The following TBC1D5 variants were observed in gnomAD, a reference collection of about 807,000 sequenced individuals.
TBC1D5 encodes TBC1 domain family, member 5.
Under a neutral mutation model 100.3 loss-of-function variants are expected in TBC1D5, and 75 were observed. The observed-to-expected ratio is 0.75, with a 90% CI of 0.62 to 0.91. The LOEUF is 0.91. Among genes scored for constraint, TBC1D5 ranks in the 40% least tolerant of loss-of-function variants. The probability of loss-of-function intolerance (pLI) is 0.00; values close to 1 mark genes in which losing one functional copy is unlikely to be tolerated. For synonymous variants in TBC1D5, 323 were observed against 325.6 expected, an observed-to-expected ratio of 0.99 and a Z score of 0.09; for missense variants, 910 against 942.4, an observed-to-expected ratio of 0.97 and a Z score of 0.45.
chr3:17,299,281 C>A (rs995298313), intron 14 of TBC1D5, among the ~76,000 whole-genome samples: 2 of 152,130 alleles, frequency 1.3e-5, no homozygotes, highest in African/African-American at 4.8e-5. Context: ...GGGGTGGCTA[C>A]AGATTTCATC....
chr3:17,581,624 G>A (rs1327921258), intron 2 of TBC1D5, among the ~76,000 whole-genome samples: 1 of 152,068 alleles, frequency 6.6e-6, no homozygotes, highest in East Asian at 1.9e-4. Flanking sequence ...CAATCCATTA[G>A]CAAATACTGT....
chr3:17,690,952 AG>A (rs1270661131), intron 1 of TBC1D5, among the ~76,000 whole-genome samples: 7 of 152,182 alleles, frequency 4.6e-5, no homozygotes, highest in Non-Finnish European at 1.0e-4. Flanking sequence ...TTTAAAACAG[AG>A]GAAAAAAAAT....
At position 17,672,270 on chromosome 3, in the gene TBC1D5, C is replaced by G. The variant is rs542420589; in HGVS notation, c.-100-48357G>C. The stretch of plus-strand genomic sequence containing the variant: ...ATAAATTTGAACCTAAAGAATGCAA[C>G]TTACATTATACAATTTTTTAAAATG... On this transcript the variant is annotated intron_variant, in intron 1 of 21. Coordinates refer to ENST00000253692, the Ensembl canonical transcript of TBC1D5. Among the ~76,000 whole-genome samples, 193 of 152,218 alleles carry G rather than the reference C, an allele frequency of 1.3e-3. 2 individuals carry two copies. Among genetic ancestry groups the G allele is most frequent in the Non-Finnish European group, 1.3e-4 (9 of 68,010 alleles).
intron 3 of TBC1D5, among the ~76,000 whole-genome samples, chr3:17,498,740 A>G (rs1313774307): frequency 1.3e-5 from 2 of 152,298 alleles, no homozygotes; most frequent in Admixed American, 6.5e-5. Context: ...TAAACCTCCT[A>G]AAGACAAACA....
rs142981022 is a variant in TBC1D5, at chr3:17,190,375, G to A, written c.1753-5167C>T. Among the ~76,000 whole-genome samples the A allele has an allele frequency of 1.5e-4, 23 of 152,322 alleles. No homozygotes were observed. In the East Asian group the frequency reaches 4.2e-3, roughly 28 times the overall value. On this transcript the variant is annotated intron_variant, in intron 18 of 21. Coordinates refer to ENST00000253692, the Ensembl canonical transcript of TBC1D5. ...TGATTTCAATTTGTGTATGTGGAAA[G>A]GAAAGGAGGTTTTCTAGTGTTTTTG...
At chr3:17,596,452 G>T (rs1290310723) in intron 2 of TBC1D5, among the ~76,000 whole-genome samples, 1 of 150,964 alleles carries the variant, frequency 6.6e-6, no homozygotes, top group African/African-American at 2.4e-5. Flanking sequence ...CCAAGTAGCT[G>T]GGATTACAGA....
In TBC1D5 at chr3:17,705,971, C is replaced by A; in HGVS notation, c.-101+33372G>T. 10 of 1,419,436 alleles carry A rather than the reference C, an allele frequency of 7.0e-6. No homozygotes were observed. The South Asian group carries it at 1.4e-4, about 20-fold the overall frequency. 87.9% of individuals were successfully genotyped at this position (1,419,436 alleles called of 1,614,324 possible). On this transcript the variant is annotated intron_variant, in intron 1 of 21. Coordinates refer to ENST00000253692, the Ensembl canonical transcript of TBC1D5. ...CTGCCTCCCGGGCGGCGCTCCTCAG[C>A]ATTTCTTTACTCTTTTTTTTTTTTG...
chr3:17,387,265 G>C lies in TBC1D5; in HGVS notation c.510-3250C>G, dbSNP rs1575638639. ...ATCCAGTCCAACTCAGAGATTAACA[G>C]GCAAGTAAACAGAAGCACAGAGAAA... On this transcript the variant is annotated intron_variant, in intron 8 of 21. Coordinates refer to ENST00000253692, the Ensembl canonical transcript of TBC1D5. Among the ~76,000 whole-genome samples, 5 of 152,226 alleles carry C rather than the reference G, an allele frequency of 3.3e-5. No individual in the cohort carries two copies. The East Asian group carries it at 9.7e-4, about 30-fold the overall frequency.
At chr3:17,339,339 G>A (rs184630331) in intron 13 of TBC1D5, among the ~76,000 whole-genome samples, 3 of 152,270 alleles carry the variant, frequency 2.0e-5, no homozygotes, top group East Asian at 1.9e-4. Flanking sequence ...TTGAAGTTCC[G>A]CTCACCTTGC....
chr3:17,696,129 T>A (rs1354744064), intron 1 of TBC1D5, among the ~76,000 whole-genome samples: 4 of 151,980 alleles, frequency 2.6e-5, no homozygotes, highest in Admixed American at 2.0e-4. Context: ...TAGCTCTAAA[T>A]GCCCACAGAA....
chr3:17,615,650 C>T (rs532964207), intron 2 of TBC1D5, among the ~76,000 whole-genome samples: 1 of 152,266 alleles, frequency 6.6e-6, no homozygotes, highest in African/African-American at 2.4e-5. Context: ...TCCATTTCTT[C>T]TAGATTTTCT....
At chr3:17,186,583 G>A (rs2069099125) in intron 18 of TBC1D5, among the ~76,000 whole-genome samples, 1 of 151,438 alleles carries the variant, frequency 6.6e-6, no homozygotes, top group African/African-American at 2.4e-5. Flanking sequence ...GGTGGTGAGT[G>A]CCTGTAATCC....
chr3:17,308,185 G>C (rs748266635), intron 13 of TBC1D5, 51 bp from the exon 14 acceptor site: 19 of 1,490,556 alleles, frequency 1.3e-5, no homozygotes, highest in Admixed American at 2.7e-5. Flanking sequence ...TGAGAATAAA[G>C]AGTGATCATT....
At chr3:17,574,988 C>G (rs1161995324) in intron 2 of TBC1D5, among the ~76,000 whole-genome samples, 2 of 151,910 alleles carry the variant, frequency 1.3e-5, no homozygotes, top group Non-Finnish European at 2.9e-5. Flanking sequence ...CACAAAACAC[C>G]CTAGGTTGTT....
chr3:17,541,108 T>C (rs1304763720), intron 2 of TBC1D5, among the ~76,000 whole-genome samples: 4 of 151,748 alleles, frequency 2.6e-5, no homozygotes, highest in Admixed American at 6.6e-5. Context: ...TCAAGCTTTG[T>C]TCTTCTGTTT....
At chr3:17,227,712 G>T (rs891283289) in intron 17 of TBC1D5, among the ~76,000 whole-genome samples, 8 of 152,020 alleles carry the variant, frequency 5.3e-5, no homozygotes, top group Non-Finnish European at 8.8e-5. Flanking sequence ...TGGAGGGTGG[G>T]AGGAGGGAGA....
intron 13 of TBC1D5, among the ~76,000 whole-genome samples, chr3:17,314,695 A>G (rs2084454891): frequency 6.6e-6 from 1 of 152,216 alleles, no homozygotes; most frequent in African/African-American, 2.4e-5. Flanking sequence ...ATCTGCATGT[A>G]CAAGTTTGAG....
At chr3:17,338,455 G>C (rs2088295471) in intron 13 of TBC1D5, 1 of 152,164 alleles carries the variant, frequency 6.6e-6, no homozygotes, top group African/African-American at 2.4e-5. Flanking sequence ...GTACCTCCAA[G>C]GTGCTGGCTA....
chr3:17,162,818 C>A (rs185908877), intron 21 of TBC1D5, among the ~76,000 whole-genome samples: 29 of 152,302 alleles, frequency 1.9e-4, no homozygotes, highest in African/African-American at 6.5e-4. Flanking sequence ...GCATTGAAAG[C>A]TGCTGGGGAA....
Sources: allele counts gnomAD v4.1 joint callset (sites outside exome capture counted in the v4.1 genomes callset), GRCh38; gene constraint gnomAD v4.1.1; transcripts MANE v1.5; gene names NCBI Gene and HGNC (gene_info 2026-07-23, HGNC 2026-07-21).